Variants in PLEKHG4B observed in about 807,000 individuals in gnomAD.
PLEKHG4B encodes pleckstrin homology and RhoGEF domain containing G4B, also known as pleckstrin homology domain-containing family G member 4B.
A neutral mutation model predicts 121.3 loss-of-function variants in PLEKHG4B; 111 were observed. The observed-to-expected ratio is 0.92, with a 90% confidence interval of 0.78 to 1.07. The LOEUF is 1.07. Among genes scored for constraint, PLEKHG4B ranks in the 50% least tolerant of loss-of-function variants. The pLI is 0.00. For missense variants in PLEKHG4B, 1,831 were observed against 1,757.8 expected, an observed-to-expected ratio of 1.04 and a Z score of -0.74; for synonymous variants, 738 against 725.0, an observed-to-expected ratio of 1.02 and a Z score of -0.29.
At chr5:181,902 C>A in intron 19 of PLEKHG4B, 102 bp from the exon 20 acceptor site, 2 of 1,397,408 alleles carry the variant, frequency 1.4e-6, no homozygotes, top group Non-Finnish European at 2.0e-6. Context: ...ACTGCAGTGG[C>A]AAAGCCTGGT....
intron 18 of PLEKHG4B, 148 bp downstream of exon 18, chr5:174,246 T>G: frequency 5.4e-6 from 1 of 184,652 alleles, no homozygotes; most frequent in Non-Finnish European, 9.2e-6. Context: ...GGAGCTGTGG[T>G]CGGGGACTGA....
Position 171,337 on chromosome 5 carries a change from GC to G in PLEKHG4B, c.3946del (p.Gln1316ArgfsTer36). ...GCTCAAGGAGGCCAGCTGTGGCCTG[GC>G]CCAGGGGCAGGAGCTGGGCGAGCTC... ...DLLKEASCGL[A>X]QGQELGELRA... On this transcript the variant is annotated frameshift_variant, in exon 16 of 20. Coordinates refer to ENST00000637938, the MANE Select transcript of PLEKHG4B (RefSeq NM_052909.5). LOFTEE classifies it high-confidence loss of function. 1 of 1,612,490 alleles carries G rather than the reference GC, an allele frequency of 6.2e-7. No homozygotes were observed. The highest frequency in any genetic ancestry group is 8.5e-7 in the Non-Finnish European group (1 of 1,179,806).
At position 156,275 on chromosome 5, in the gene PLEKHG4B, A is replaced by G; in HGVS notation, c.2348+65A>G. The G allele has an allele frequency of 7.5e-7, 1 of 1,341,936 alleles. No homozygotes were observed. The highest frequency in any genetic ancestry group is 9.6e-7 in the Non-Finnish European group (1 of 1,039,148). The allele number at this position is 1,341,936 out of a possible 1,614,324, so 83.1% of individuals were successfully genotyped here. On this transcript the variant is annotated intron_variant, in intron 10 of 19. Transcript: ENST00000637938. This position sits in a 1 kb window ranked among gnomAD's most constrained non-coding sequence, Gnocchi z 4.4. The stretch of plus-strand genomic sequence containing the variant: ...GAGGGAGCTGCTCGGGGGAGTTTGC[A>G]CCAGGAGGCGTAGCGCTCTGCTCCA...
At chr5:175,872 A>G (rs1403309770) in intron 18 of PLEKHG4B, among the ~76,000 whole-genome samples, 1 of 30,748 alleles carries the variant, frequency 3.3e-5, no homozygotes, top group Non-Finnish European at 5.8e-5. Context: ...AGACACGACC[A>G]GGGCTCCTGC....
Position 169,379 on chromosome 5 carries a change from A to G in PLEKHG4B, c.3516A>G (p.Thr1172=), listed in dbSNP as rs1410683352. 7 of 1,613,994 alleles carry G rather than the reference A, an allele frequency of 4.3e-6. No individual in the cohort carries two copies. Among genetic ancestry groups the G allele is most frequent in the South Asian group, 1.1e-5 (1 of 91,094 alleles). ...LRHIMAEMIA[T]EREYIRCLGY... is the part of the protein sequence containing the mutation. Reference sequence around the variant, plus strand: ...ACATCATGGCCGAGATGATCGCCACAGAGAGGGAGTACATTCGGTGCTTAG... The same window carrying G: ...ACATCATGGCCGAGATGATCGCCACGGAGAGGGAGTACATTCGGTGCTTAG... The change falls in exon 14 of 20, where the codon ACA becomes ACG. Residue 1172 remains threonine, a synonymous_variant. Coordinates refer to ENST00000637938, the MANE Select transcript of PLEKHG4B (RefSeq NM_052909.5).
chr5:187,387 C>T lies in PLEKHG4B; in HGVS notation c.*5064C>T, dbSNP rs1579343185. ...CCCGGTTCTGGGGAGATGCCCGGGC[C>T]CCTCCTGGATGGCAGCAGCAGTGGA... On this transcript the variant is annotated 3_prime_UTR_variant, in exon 20 of 20. Coordinates refer to ENST00000637938, the MANE Select transcript of PLEKHG4B (RefSeq NM_052909.5). 1 of 152,434 alleles carries T rather than the reference C, an allele frequency of 6.6e-6. No homozygotes were observed. The highest frequency in any genetic ancestry group is 2.1e-4 in the South Asian group (1 of 4,824). 9.4% of individuals were successfully genotyped at this position (152,434 alleles called of 1,614,324 possible). A position where few individuals can be genotyped will look rare whatever the true frequency, so the allele number is the denominator to read the frequency against.
At chr5:120,608 A>G (rs986307448) in intron 2 of PLEKHG4B, among the ~76,000 whole-genome samples, 9 of 152,208 alleles carry the variant, frequency 5.9e-5, no homozygotes, top group African/African-American at 1.7e-4. Context: ...AATTAAAGCC[A>G]CAACCCTGCC....
At chr5:166,446 GC>G (rs1467582842) in intron 13 of PLEKHG4B, among the ~76,000 whole-genome samples, 1 of 117,016 alleles carries the variant, frequency 8.5e-6, no homozygotes, top group Non-Finnish European at 1.8e-5. Context: ...TCACACTAAT[GC>G]TCTGACGGGG....
intron 5 of PLEKHG4B, 37 bp downstream of exon 5, chr5:143,540 T>G (rs778646181): frequency 3.1e-6 from 5 of 1,603,934 alleles, no homozygotes; most frequent in Non-Finnish European, 4.3e-6. Flanking sequence ...TGCAGACCCA[T>G]GGGACCCCAG....
chr5:182,653 C>A lies in PLEKHG4B; in HGVS notation c.*330C>A, dbSNP rs571493725. On this transcript the variant is annotated 3_prime_UTR_variant, in exon 20 of 20. Transcript: ENST00000637938. ...CAAGACATTTGGCAACAAAGGACCG[C>A]GATCCCTGAGAGACAGGAAAACGGG... is the stretch of plus-strand genomic sequence containing the variant. 2.7e-5 allele frequency: 8 copies of A among 292,296 alleles called. No individual in the cohort carries two copies. The highest frequency in any genetic ancestry group is 5.2e-5 in the Non-Finnish European group (8 of 152,884). The allele number at this position is 292,296 out of a possible 1,614,324, so 18.1% of individuals were successfully genotyped here. A position where few individuals can be genotyped will look rare whatever the true frequency, so the allele number is the denominator to read the frequency against.
chr5:139,985 T>A lies in PLEKHG4B; in HGVS notation c.746T>A (p.Leu249Gln). The A allele has an allele frequency of 2.4e-6, 1 of 411,012 alleles. No individual in the cohort carries two copies. Among genetic ancestry groups the A allele is most frequent in the Non-Finnish European group, 4.3e-6 (1 of 233,176 alleles). 25.5% of individuals were successfully genotyped at this position (411,012 alleles called of 1,614,324 possible). The change falls in exon 3 of 20, where the codon CTG becomes CAG. Residue 249 changes from leucine (L) to glutamine (Q), a missense_variant. By Grantham distance (113) the Leu-to-Gln change is moderately radical (BLOSUM62 -2). Transcript: ENST00000637938. The surrounding 1 kb of genome is among the most constrained non-coding windows in gnomAD (Gnocchi z 5.0). ...GGAAGCGCCTCTTGCCCCGACACCCTGACCTCACCCTGCCGCCGAGGGCAT... is the reference window on the plus strand; with the variant it reads ...GGAAGCGCCTCTTGCCCCGACACCCAGACCTCACCCTGCCGCCGAGGGCAT... ...FQGSASCPDTLTSPCRRGHTG... is the reference protein window; with the variant it reads ...FQGSASCPDTQTSPCRRGHTG...
Position 171,402 on chromosome 5 carries a change from C to T in PLEKHG4B, c.4008C>T (p.His1336=), listed in dbSNP as rs769273622. The T allele has an allele frequency of 3.9e-5, 63 of 1,606,832 alleles. No individual in the cohort carries two copies. The South Asian group carries it at 4.5e-4, about 11-fold the overall frequency. Residue 1336 remains histidine, a synonymous_variant, in exon 16 of 20, where the codon CAC becomes CAT. Transcript: ENST00000637938. ...TCGTGGTCTGCTTCCAGCTGCGTCA[C>T]GGCAATGACCTGCTGGCCATGGACG... is the stretch of plus-strand genomic sequence containing the variant. The part of the protein sequence containing the change: ...AEVVVCFQLR[H]GNDLLAMDAI...
intron 2 of PLEKHG4B, among the ~76,000 whole-genome samples, chr5:123,638 A>G (rs1734530520): frequency 6.6e-6 from 1 of 152,172 alleles, no homozygotes; most frequent in Non-Finnish European, 1.5e-5. Context: ...AGATTATCCA[A>G]TTTATTGATG....
intron 2 of PLEKHG4B, among the ~76,000 whole-genome samples, chr5:122,001 AAT>A (rs1467998595): frequency 2.6e-5 from 4 of 151,472 alleles, no homozygotes; most frequent in African/African-American, 9.7e-5. Flanking sequence ...GTAAAAGTAA[AAT>A]ATATGACAAC....
At chr5:121,029 G>A (rs549237903) in intron 2 of PLEKHG4B, among the ~76,000 whole-genome samples, 42 of 152,140 alleles carry the variant, frequency 2.8e-4, no homozygotes, top group Middle Eastern at 3.4e-3. Flanking sequence ...GGCGGATCAC[G>A]AGGTCAGGAG....
intron 13 of PLEKHG4B, among the ~76,000 whole-genome samples, chr5:165,789 A>G (rs879892149): frequency 2.4e-4 from 3 of 12,394 alleles, no homozygotes; most frequent in Admixed American, 5.8e-4. Flanking sequence ...GACGGGGCGG[A>G]GCTCACACTA....
Position 158,308 on chromosome 5 carries a change from A to G in PLEKHG4B, c.2487+1397A>G, listed in dbSNP as rs561501637. 7.5e-4 allele frequency among the ~76,000 whole-genome samples: 64 copies of G among 85,054 alleles called. 4 individuals are homozygous for G. Among genetic ancestry groups the G allele is most frequent in the African/African-American group, 2.9e-3 (61 of 21,070 alleles). 55.8% of individuals were successfully genotyped at this position (85,054 alleles called of 152,430 possible). ...TCTGCCCATCCTGGGGGTCTCCTCC[A>G]TCTCCTCTCCTCCCTCTGCCCATCC... On this transcript the variant is annotated intron_variant, in intron 11 of 19. Coordinates refer to ENST00000637938, the MANE Select transcript of PLEKHG4B (RefSeq NM_052909.5).
At position 140,515 on chromosome 5, in the gene PLEKHG4B, C is replaced by A; in HGVS notation, c.1276C>A (p.Pro426Thr). Reference sequence around the variant, plus strand: ...GAGGCACACACCCAGCCGGACAGGTCCAGGAGCTGCAGGGCGGACTCTTCC... The same window carrying A: ...GAGGCACACACCCAGCCGGACAGGTACAGGAGCTGCAGGGCGGACTCTTCC... ...KERHTPSRTG[P>T]GAAGRTLPRR... The change falls in exon 3 of 20, where the codon CCA becomes ACA. Residue 426 changes from proline (P) to threonine (T), a missense_variant. Coordinates refer to ENST00000637938, the MANE Select transcript of PLEKHG4B (RefSeq NM_052909.5). 1 of 1,597,562 alleles carries A rather than the reference C, an allele frequency of 6.3e-7. No homozygotes were observed. Among genetic ancestry groups the A allele is most frequent in the Non-Finnish European group, 8.5e-7 (1 of 1,172,562 alleles).
chr5:138,381 T>G (rs1006588206), intron 2 of PLEKHG4B, among the ~76,000 whole-genome samples: 2 of 152,218 alleles, frequency 1.3e-5, no homozygotes, highest in Admixed American at 1.3e-4. Flanking sequence ...GGAACTTGTT[T>G]TCACTTCCCT....
Sources: allele counts gnomAD v4.1 joint callset (sites outside exome capture counted in the v4.1 genomes callset), GRCh38; gene constraint gnomAD v4.1.1; non-coding constraint Gnocchi (gnomAD v3.1); transcripts MANE v1.5; gene names NCBI Gene and HGNC (gene_info 2026-07-23, HGNC 2026-07-21).